The following NME6 variants were observed in gnomAD, a reference collection of about 807,000 sequenced individuals.
The protein encoded by NME6 is nucleoside diphosphate kinase 6, mitochondrial.
Under a neutral mutation model 22.2 loss-of-function variants are expected in NME6, and 16 were observed. That is an observed-to-expected ratio of 0.72 (90% confidence interval 0.49 to 1.09). NME6 has a LOEUF of 1.09. Among genes scored for constraint, NME6 ranks in the 50% least tolerant of loss-of-function variants. The pLI, the probability that NME6 is intolerant of heterozygous loss-of-function variation, is 0.00. For missense variants in NME6, 229 were observed against 239.0 expected (o/e 0.96, Z 0.28); for synonymous variants, 58 against 85.2 (o/e 0.68, Z 1.76).
intron 1 of NME6, chr3:48,300,838 G>A: frequency 5.8e-6 from 1 of 172,150 alleles, no homozygotes; most frequent in Non-Finnish European, 1.2e-5. Context: ...ACGAAGTCAG[G>A]AGATCAAGAC....
chr3:48,288,079 TTTTC>T (rs2034260032), downstream of NME6, among the ~76,000 whole-genome samples: 1 of 152,108 alleles, frequency 6.6e-6, no homozygotes, highest in East Asian at 1.9e-4. Context: ...TGATTTAAGA[TTTTC>T]TTTTTTAGCT....
chr3:48,288,621 TCA>T (rs1027847908), downstream of NME6: 2 of 152,100 alleles, frequency 1.3e-5, no homozygotes, highest in East Asian at 1.9e-4. Flanking sequence ...TCTCAATTGT[TCA>T]CAGTTAGTTA....
chr3:48,295,234 C>T lies in NME6; in HGVS notation c.235G>A (p.Gly79Arg), dbSNP rs374032471. 86 of 1,611,660 alleles carry T rather than the reference C, an allele frequency of 5.3e-5. No individual in the cohort carries two copies. The highest frequency in any genetic ancestry group is 6.5e-5 in the Non-Finnish European group (77 of 1,178,524). ...GCAAGGATGTAGGCTCGGATTGGCC[C>T]GCTGTGAACAAAACAAGCACATGTA... ...YQRLVEFMAS[G>R]PIRAYILAHK... Residue 79 changes from glycine to arginine, a missense_variant and splice_region_variant, in exon 5 of 6, where the codon GGG becomes AGG. By Grantham distance (125) the Gly-to-Arg change is moderately radical. Transcript: ENST00000442597.
In NME6 at chr3:48,296,112, G is replaced by A. The variant is rs1233599485; in HGVS notation, c.233+7C>T. 1.9e-6 allele frequency: 3 copies of A among 1,598,240 alleles called. No individual in the cohort carries two copies. In the African/African-American group the frequency reaches 4.0e-5, roughly 21 times the overall value. On this transcript the variant is annotated splice_region_variant and intron_variant, in intron 4 of 5. Coordinates refer to ENST00000442597, the MANE Select transcript of NME6 (RefSeq NM_001308426.2). ...GGATAAAGATGCTGGAACCAAATTTGAAGTACCTGGCCATGAACTCCACCA... is the reference window on the plus strand; with the variant it reads ...GGATAAAGATGCTGGAACCAAATTTAAAGTACCTGGCCATGAACTCCACCA...
intron 1 of NME6, among the ~76,000 whole-genome samples, 183 bp from the exon 2 acceptor site, chr3:48,298,706 AG>A (rs750862307): frequency 4.7e-4 from 71 of 152,210 alleles, no homozygotes; most frequent in Non-Finnish European, 1.0e-4. Flanking sequence ...CATGGGATCA[AG>A]GGAGGGGAGT....
chr3:48,296,346 T>C (rs985602189), intron 3 of NME6, 188 bp from the exon 4 acceptor site: 6 of 742,958 alleles, frequency 8.1e-6, no homozygotes, highest in African/African-American at 1.8e-5. Flanking sequence ...TTTGGGTAAA[T>C]CATTAACCTC....
In NME6 at chr3:48,294,467, T is replaced by C. The variant is rs894167249; in HGVS notation, c.*170A>G. On this transcript the variant is annotated 3_prime_UTR_variant, in exon 6 of 6. Coordinates refer to ENST00000442597, the MANE Select transcript of NME6 (RefSeq NM_001308426.2). ...ATAAACATTCCAGAGAAGAGGTAGATAGAAGGCTAGATCCTGGAGGATGTG... is the reference window on the plus strand; with the variant it reads ...ATAAACATTCCAGAGAAGAGGTAGACAGAAGGCTAGATCCTGGAGGATGTG... 1.2e-5 allele frequency: 7 copies of C among 601,042 alleles called. No homozygotes were observed. Among genetic ancestry groups the C allele is most frequent in the African/African-American group, 1.1e-4 (6 of 54,152 alleles). The allele number at this position is 601,042 out of a possible 1,614,324, so 37.2% of individuals were successfully genotyped here. A position where few individuals can be genotyped will look rare whatever the true frequency, so the allele number is the denominator to read the frequency against.
rs2034684606 is a variant in NME6 at position 48,293,179 on chromosome 3, T to TAA, written c.*1456_*1457dup. On this transcript the variant is annotated 3_prime_UTR_variant, in exon 6 of 6. Transcript: ENST00000442597. The stretch of plus-strand genomic sequence containing the variant: ...GGTGCCCTTATGGGAAAAGTAGCTC[T>TAA]AAGTCCCAGGCTCACTTCTCTTGAG... The TAA allele has an allele frequency of 6.6e-6, 1 of 152,244 alleles. No homozygotes were observed. Among genetic ancestry groups the TAA allele is most frequent in the Admixed American group, 6.5e-5 (1 of 15,280 alleles). 9.4% of individuals were successfully genotyped at this position (152,244 alleles called of 1,614,324 possible).
intron 1 of NME6, chr3:48,301,151 G>T: frequency 2.0e-6 from 2 of 992,790 alleles, no homozygotes; most frequent in Non-Finnish European, 2.9e-6. Flanking sequence ...GTCCACCCAC[G>T]CGCGGCCGGG....
rs752717178 is a variant in NME6 at position 48,296,735 on chromosome 3, T to G, written c.185A>C (p.Glu62Ala). Residue 62 changes from glutamate (E) to alanine (A), a missense_variant, in exon 3 of 6, where the codon GAG becomes GCG. By Grantham distance (107) the Glu-to-Ala change is moderately radical. Coordinates refer to ENST00000442597, the MANE Select transcript of NME6 (RefSeq NM_001308426.2). ...AGGACTACTGATCCTACCTTCATGC[T>G]CTCGGTAAAACCTCTGGCAATCTTC... is the stretch of plus-strand genomic sequence containing the variant. Reference protein sequence around the residue: ...RKEDCQRFYREHEGRFFYQRL... With the variant: ...RKEDCQRFYRAHEGRFFYQRL... 4 of 1,611,964 alleles carry G rather than the reference T, an allele frequency of 2.5e-6. No individual in the cohort carries two copies. Among genetic ancestry groups the G allele is most frequent in the South Asian group, 1.1e-5 (1 of 90,998 alleles).
rs983358620 is a variant in NME6, at chr3:48,298,889, A to T, written c.-7-366T>A. 5.8e-6 allele frequency: 4 copies of T among 694,810 alleles called. No homozygotes were observed. The African/African-American group carries it at 7.0e-5, about 12-fold the overall frequency. 43.0% of individuals were successfully genotyped at this position (694,810 alleles called of 1,614,324 possible). ...CAGAGGATTTACAATTTATACTCCTAAACAGCCTATCCACAAGGCCTATTC... is the reference window on the plus strand; with the variant it reads ...CAGAGGATTTACAATTTATACTCCTTAACAGCCTATCCACAAGGCCTATTC... On this transcript the variant is annotated intron_variant, in intron 1 of 5. Coordinates refer to ENST00000442597, the MANE Select transcript of NME6 (RefSeq NM_001308426.2).
intron 1 of NME6, among the ~76,000 whole-genome samples, chr3:48,300,005 T>C (rs2035526262): frequency 6.6e-6 from 1 of 152,126 alleles, no homozygotes; most frequent in Non-Finnish European, 1.5e-5. Flanking sequence ...TCAAAACCCA[T>C]ACCATTCTCC....
chr3:48,294,843 G>GA lies in NME6; in HGVS notation c.395-41_395-40insT, dbSNP rs1406706053. The GA allele has an allele frequency of 7.5e-6, 12 of 1,597,584 alleles. No homozygotes were observed. The Middle Eastern group carries it at 6.7e-4, about 89-fold the overall frequency. Reference sequence around the variant, plus strand: ...AAGACAGAGAAGGGGTTCTCACATGGTAGAAGCAAGAGGCAGTCATAATCA... The same window carrying GA: ...AAGACAGAGAAGGGGTTCTCACATGGATAGAAGCAAGAGGCAGTCATAATCA... On this transcript the variant is annotated intron_variant, in intron 5 of 5. Coordinates refer to ENST00000442597, the MANE Select transcript of NME6 (RefSeq NM_001308426.2).
intron 1 of NME6, chr3:48,301,147 C>G: frequency 1.0e-6 from 1 of 969,438 alleles, no homozygotes; most frequent in Non-Finnish European, 1.5e-6. Flanking sequence ...CCTGGTCCAC[C>G]CACGCGCGGC....
chr3:48,296,804 T>C lies in NME6; in HGVS notation c.116A>G (p.Asn39Ser). 1 of 1,613,640 alleles carries C rather than the reference T, an allele frequency of 6.2e-7. No individual in the cohort carries two copies. Among genetic ancestry groups the C allele is most frequent in the Non-Finnish European group, 8.5e-7 (1 of 1,179,830 alleles). ...TCTCATTCGTACAATCAGGAACTTGTTGCTTAGAATCTGCTGATGAACAGC... is the reference window on the plus strand; with the variant it reads ...TCTCATTCGTACAATCAGGAACTTGCTGCTTAGAATCTGCTGATGAACAGC... ...LEAVHQQILS[N>S]KFLIVRMREL... The change falls in exon 3 of 6, where the codon AAC becomes AGC. Residue 39 changes from asparagine (N) to serine (S), a missense_variant. By Grantham distance (46) the Asn-to-Ser change is conservative. Coordinates refer to ENST00000442597, the MANE Select transcript of NME6 (RefSeq NM_001308426.2).
Position 48,296,173 on chromosome 3 carries a change from G to T in NME6, c.194-15C>A. The T allele has an allele frequency of 6.2e-7, 1 of 1,614,112 alleles. No homozygotes were observed. Among genetic ancestry groups the T allele is most frequent in the Non-Finnish European group, 8.5e-7 (1 of 1,180,016 alleles). On this transcript the variant is annotated splice_polypyrimidine_tract_variant and intron_variant, in intron 3 of 5. Transcript: ENST00000442597. Reference sequence around the variant, plus strand: ...GAAAAAACGCCCTGCAAAGAGAGAGGACCTTCATCAAGATACCTTCATCCT... The same window carrying T: ...GAAAAAACGCCCTGCAAAGAGAGAGTACCTTCATCAAGATACCTTCATCCT...
Position 48,296,798 on chromosome 3 carries a change from A to T in NME6, c.122T>A (p.Phe41Tyr), listed in dbSNP as rs1388429905. ...AVHQQILSNK[F>Y]LIVRMRELLW... is the part of the protein sequence containing the mutation. ...TAGTTCTCTCATTCGTACAATCAGG[A>T]ACTTGTTGCTTAGAATCTGCTGATG... Residue 41 changes from phenylalanine (F) to tyrosine (Y), a missense_variant, in exon 3 of 6, where the codon TTC (phenylalanine) becomes TAC (tyrosine). Phe to Tyr is a conservative substitution (Grantham distance 22). Coordinates refer to ENST00000442597, the MANE Select transcript of NME6 (RefSeq NM_001308426.2). 6.2e-7 allele frequency: 1 copy of T among 1,613,742 alleles called. No individual in the cohort carries two copies. Among genetic ancestry groups the T allele is most frequent in the Admixed American group, 1.7e-5 (1 of 59,992 alleles).
chr3:48,294,900 C>G, intron 5 of NME6, 97 bp from the exon 6 acceptor site: 1 of 1,432,530 alleles, frequency 7.0e-7, no homozygotes. Flanking sequence ...ACTCTGCCTG[C>G]CCCTTCAGTC....
In NME6 at chr3:48,294,379, C is replaced by T; in HGVS notation, c.*258G>A. The T allele has an allele frequency of 2.7e-6, 1 of 369,008 alleles. No homozygotes were observed. Among genetic ancestry groups the T allele is most frequent in the African/African-American group, 2.0e-5 (1 of 50,070 alleles). The allele number at this position is 369,008 out of a possible 1,614,324, so 22.9% of individuals were successfully genotyped here. On this transcript the variant is annotated 3_prime_UTR_variant, in exon 6 of 6. Transcript: ENST00000442597. ...GAGCCACCGTGCCCGGCCTGGCAAGCTTCTTCTTGAAGAAGGATGAACAGT... is the reference window on the plus strand; with the variant it reads ...GAGCCACCGTGCCCGGCCTGGCAAGTTTCTTCTTGAAGAAGGATGAACAGT...
Sources: allele counts gnomAD v4.1 joint callset (sites outside exome capture counted in the v4.1 genomes callset), GRCh38; gene constraint gnomAD v4.1.1; transcripts MANE v1.5; gene names NCBI Gene and HGNC (gene_info 2026-07-23, HGNC 2026-07-21).